The following EYS variants were observed in gnomAD, a reference collection of about 807,000 sequenced individuals.
EYS encodes the protein EGF-like photoreceptor maintenance factor.
Under a neutral mutation model 282.1 loss-of-function variants are expected in EYS, and 250 were observed. The observed-to-expected ratio is 0.89, with a 90% confidence interval of 0.80 to 0.98. EYS has a LOEUF of 0.98. Ranked by LOEUF, EYS falls within the 50% of genes least tolerant of loss-of-function variation. The pLI is 0.00. For missense variants in EYS, 4,016 were observed against 3,709.0 expected (o/e 1.08, Z -2.15); for synonymous variants, 1,355 against 1,282.9 (o/e 1.06, Z -1.20).
At position 63,760,937 on chromosome 6, in the gene EYS, G is replaced by A. The variant is rs568278845; in HGVS notation, c.8071+1524C>T. On this transcript the variant is annotated intron_variant, in intron 41 of 42. Transcript: ENST00000503581. ...AGCTATTCCTTTGGGAGTTATAAAG[G>A]TACTCATCTTGGTTAATTTTTGAGT... 7.2e-5 allele frequency among the ~76,000 whole-genome samples: 11 copies of A among 151,776 alleles called. 1 individual carries two copies. In the South Asian group the frequency reaches 2.3e-3, roughly 32 times the overall value.
intron 1 of EYS, among the ~76,000 whole-genome samples, chr6:65,643,640 GA>G (rs1267916160): frequency 6.6e-6 from 1 of 152,106 alleles, no homozygotes; most frequent in Non-Finnish European, 1.5e-5. Context: ...CCAGTGCACT[GA>G]ACAAAAACAC....
At chr6:65,698,681 T>C (rs1202922395) in intron 1 of EYS, among the ~76,000 whole-genome samples, 1 of 152,186 alleles carries the variant, frequency 6.6e-6, no homozygotes, top group Non-Finnish European at 1.5e-5. Context: ...TGGTTTCTAT[T>C]ACATGAATTG....
At chr6:65,091,836 G>A (rs1774578043) in intron 12 of EYS, among the ~76,000 whole-genome samples, 2 of 151,912 alleles carry the variant, frequency 1.3e-5, no homozygotes, top group African/African-American at 4.8e-5. Flanking sequence ...CTCATACCTG[G>A]CTTTGAGCCA....
chr6:64,241,598 T>A (rs1290683374), intron 30 of EYS, among the ~76,000 whole-genome samples: 9 of 151,952 alleles, frequency 5.9e-5, no homozygotes, highest in Admixed American at 5.9e-4. Context: ...TGTATCTATC[T>A]ATTTTGTTGA....
intron 2 of EYS, among the ~76,000 whole-genome samples, chr6:65,614,002 T>C (rs1582519673): frequency 6.6e-6 from 1 of 152,022 alleles, no homozygotes; most frequent in African/African-American, 2.4e-5. Context: ...ATTTAGTTAC[T>C]ACAGGCAACA....
chr6:65,310,574 C>T (rs1189441119), intron 11 of EYS, among the ~76,000 whole-genome samples: 1 of 152,096 alleles, frequency 6.6e-6, no homozygotes, highest in African/African-American at 2.4e-5. Flanking sequence ...CCCTTCAAGG[C>T]TCCATGTGAC....
Position 64,945,828 on chromosome 6 carries a change from G to A in EYS, c.2346C>T (p.Asn782=), listed in dbSNP as rs989960179. 9.0e-6 allele frequency: 14 copies of A among 1,549,804 alleles called. No individual in the cohort carries two copies. The highest frequency in any genetic ancestry group is 1.2e-5 in the Non-Finnish European group (14 of 1,145,904). ...TGTAAAGGTCAGTACAGGTGGAATT[G>A]TTCTTGCAAGGATTCATTTTACACT... The part of the protein sequence containing the change: ...SNECKMNPCK[N]NSTCTDLYKS... The change falls in exon 15 of 43, where the codon AAC becomes AAT. Residue 782 remains asparagine, a synonymous_variant. Coordinates refer to ENST00000503581, the MANE Select transcript of EYS (RefSeq NM_001142800.2).
At chr6:64,605,951 A>G (rs548535664) in intron 24 of EYS, among the ~76,000 whole-genome samples, 1 of 152,156 alleles carries the variant, frequency 6.6e-6, no homozygotes, top group South Asian at 2.1e-4. Flanking sequence ...TCATAAGAAA[A>G]GACATTTATT....
At chr6:64,537,447 AT>A (rs766090695) in intron 26 of EYS, among the ~76,000 whole-genome samples, 1 of 152,034 alleles carries the variant, frequency 6.6e-6, no homozygotes, top group Non-Finnish European at 1.5e-5. Flanking sequence ...TGTAAAATTT[AT>A]TTTGTTGAAC....
At chr6:64,656,432 C>A (rs1394707391) in intron 22 of EYS, among the ~76,000 whole-genome samples, 1 of 152,050 alleles carries the variant, frequency 6.6e-6, no homozygotes, top group Non-Finnish European at 1.5e-5. Flanking sequence ...GAGAACTTTT[C>A]CAAGACAGGA....
At chr6:63,833,535 A>T (rs1266820410) in intron 36 of EYS, among the ~76,000 whole-genome samples, 1 of 152,186 alleles carries the variant, frequency 6.6e-6, no homozygotes, top group Non-Finnish European at 1.5e-5. Context: ...GAGAACTATA[A>T]ACCACTGCTC....
chr6:64,733,338 C>G (rs186094407), intron 22 of EYS: 2 of 174,436 alleles, frequency 1.1e-5, no homozygotes, highest in African/African-American at 4.7e-5. Context: ...TTACCAGCAC[C>G]TGATGACTGA....
intron 31 of EYS, among the ~76,000 whole-genome samples, chr6:64,087,307 A>G (rs1772188475): frequency 6.6e-6 from 1 of 152,172 alleles, no homozygotes. Flanking sequence ...TTGAGCAAAT[A>G]TATAAAGATT....
intron 36 of EYS, among the ~76,000 whole-genome samples, chr6:63,835,862 T>C (rs977283069): frequency 2.0e-5 from 3 of 152,082 alleles, no homozygotes; most frequent in African/African-American, 7.2e-5. Context: ...ATTTAAAACT[T>C]CTTAATTCTT....
intron 30 of EYS, among the ~76,000 whole-genome samples, chr6:64,280,521 C>T (rs761529495): frequency 5.3e-5 from 8 of 152,028 alleles, no homozygotes; most frequent in Admixed American, 2.0e-4. Flanking sequence ...ATCTAAATCA[C>T]GTGCTAAAGA....
rs1216008298 is a variant in EYS at position 64,715,785 on chromosome 6, C to T, written c.3444-89540G>A. On this transcript the variant is annotated intron_variant, in intron 22 of 42. Coordinates refer to ENST00000503581, the MANE Select transcript of EYS (RefSeq NM_001142800.2). ...TTGGCTTTGAATGCCTCCACTTTAT[C>T]TGCTGACTGGAACAGTTATCATTTG... Among the ~76,000 whole-genome samples the T allele has an allele frequency of 2.6e-5, 4 of 152,202 alleles. No homozygotes were observed. The South Asian group carries it at 6.2e-4, about 24-fold the overall frequency.
At chr6:64,027,162 G>C (rs191056756) in intron 33 of EYS, among the ~76,000 whole-genome samples, 40 of 152,212 alleles carry the variant, frequency 2.6e-4, no homozygotes, top group African/African-American at 8.9e-4. Context: ...ATCCCCACTG[G>C]GACCTTGACT....
At chr6:63,955,621 C>A (rs1469931380) in intron 35 of EYS, among the ~76,000 whole-genome samples, 1 of 152,026 alleles carries the variant, frequency 6.6e-6, no homozygotes, top group Admixed American at 6.6e-5. Context: ...TCACTGAGGC[C>A]TTGACTTACT....
intron 22 of EYS, among the ~76,000 whole-genome samples, chr6:64,746,017 A>T (rs948039752): frequency 6.6e-5 from 10 of 152,140 alleles, no homozygotes; most frequent in African/African-American, 2.4e-4. Context: ...AGAAGAAAAC[A>T]TTGAAAGTTT....
Sources: allele counts gnomAD v4.1 joint callset (sites outside exome capture counted in the v4.1 genomes callset), GRCh38; gene constraint gnomAD v4.1.1; transcripts MANE v1.5; gene names NCBI Gene and HGNC (gene_info 2026-07-23, HGNC 2026-07-21).